IGHMBP2: variants seen among roughly 807,000 people sequenced by gnomAD.
IGHMBP2 encodes DNA-binding protein SMUBP-2.
Under a neutral mutation model 96.0 loss-of-function variants are expected in IGHMBP2, and 81 were observed. The observed-to-expected ratio is 0.84, with a 90% CI of 0.71 to 1.01. The LOEUF (loss-of-function observed/expected upper bound fraction) is 1.01. Among genes scored for constraint, IGHMBP2 ranks in the 50% least tolerant of loss-of-function variants. The pLI, the probability that IGHMBP2 is intolerant of heterozygous loss-of-function variation, is 0.00. For synonymous variants in IGHMBP2, 557 were observed against 548.9 expected (o/e 1.01, Z -0.21); for missense variants, 1,227 against 1,306.3 (o/e 0.94, Z 0.94).
At chr11:68,932,773 G>A (rs1345178615) in intron 8 of IGHMBP2, 1 of 163,946 alleles carries the variant, frequency 6.1e-6, no homozygotes. Flanking sequence ...GACAATCTGG[G>A]GGTCAGATGT....
intron 5 of IGHMBP2, 70 bp from the exon 6 acceptor site, chr11:68,914,753 G>A (rs1046855341): frequency 6.6e-7 from 1 of 1,512,880 alleles, no homozygotes; most frequent in Non-Finnish European, 9.2e-7. Context: ...AAGGCTTTTT[G>A]TTGTTTTAGT....
rs1285517746 is a variant in IGHMBP2 at position 68,933,895 on chromosome 11, C to T, written c.1519C>T (p.Gln507Ter). The T allele has an allele frequency of 3.1e-6, 5 of 1,595,880 alleles. No homozygotes were observed. Among genetic ancestry groups the T allele is most frequent in the Non-Finnish European group, 4.3e-6 (5 of 1,170,136 alleles). The change falls in exon 10 of 15, where the codon CAG becomes TAG. Residue 507 changes from glutamine to a stop codon, truncating the protein, a stop_gained. Transcript: ENST00000255078. LOFTEE classifies it high-confidence loss of function. ...GLFELEEEDEQSKGNPGEVRL... is the reference protein window; with the variant it reads ...GLFELEEEDE ...GTTTGAGCTGGAGGAGGAGGACGAA[C>T]AGTCGAAAGGGAACCCTGGTGAGCT... is the stretch of plus-strand genomic sequence containing the variant.
In IGHMBP2 at chr11:68,939,519, T is replaced by G. The variant is rs1277508144; in HGVS notation, c.2785-15T>G. The G allele has an allele frequency of 1.2e-6, 2 of 1,611,446 alleles. No homozygotes were observed. Among genetic ancestry groups the G allele is most frequent in the Non-Finnish European group, 1.7e-6 (2 of 1,179,952 alleles). ...GCCCCTGTGAGCCCAGCAGTGATTC[T>G]TGTGTCCTCCCCAGATCCATGGCTG... On this transcript the variant is annotated splice_polypyrimidine_tract_variant and intron_variant, in intron 14 of 14. Coordinates refer to ENST00000255078, the MANE Select transcript of IGHMBP2 (RefSeq NM_002180.3).
rs1859481722 is a variant in IGHMBP2 at position 68,935,326 on chromosome 11, C to T, written c.1660C>T (p.His554Tyr). 1.2e-6 allele frequency: 2 copies of T among 1,614,142 alleles called. No individual in the cohort carries two copies. Among genetic ancestry groups the T allele is most frequent in the African/African-American group, 1.3e-5 (1 of 75,074 alleles). ...GGACCTGCTCAGACAGAGCCTTGTG[C>T]ACAGGCACCCTGAGCTTGAAATCAA... ...QVDLLRQSLV[H>Y]RHPELEIKSV... Residue 554 changes from histidine (H) to tyrosine (Y), a missense_variant, in exon 12 of 15, where the codon CAC (histidine) becomes TAC (tyrosine). Physicochemically the swap from His to Tyr is moderately conservative, Grantham distance 83 (BLOSUM62 2). Transcript: ENST00000255078.
In IGHMBP2 at chr11:68,933,711, C is replaced by T. The variant is rs139223517; in HGVS notation, c.1419-84C>T. ...TCCTCCCCTACCTAAGCCTTTTCCT[C>T]GTGGGAGGGGTCGGTTCTGTTGGGT... On this transcript the variant is annotated intron_variant, in intron 9 of 14. Transcript: ENST00000255078. 2.6e-4 allele frequency: 301 copies of T among 1,172,014 alleles called. No homozygotes were observed. The African/African-American group carries it at 3.8e-3, about 15-fold the overall frequency. 72.6% of individuals were successfully genotyped at this position (1,172,014 alleles called of 1,614,324 possible).
In IGHMBP2 at chr11:68,939,701, G is replaced by T. The variant is rs766984037; in HGVS notation, c.2952G>T (p.Arg984Ser). 6 of 1,611,852 alleles carry T rather than the reference G, an allele frequency of 3.7e-6. No individual in the cohort carries two copies. In the East Asian group the frequency reaches 1.3e-4, roughly 36 times the overall value. ...DKKLSELSNQ[R>S]TSRRKERGT The stretch of plus-strand genomic sequence containing the variant: ...AGCTGAGTGAGCTCAGCAACCAGAG[G>T]ACCAGCCGGAGGAAGGAGAGGGGGA... Residue 984 changes from arginine to serine, a missense_variant, in exon 15 of 15, where the codon AGG becomes AGT. By Grantham distance (110) the Arg-to-Ser change is moderately radical. Around this residue, in one of 3 missense-constraint regions of IGHMBP2, gnomAD observed 703 missense variants for 770.3 expected, o/e 0.91. Coordinates refer to ENST00000255078, the MANE Select transcript of IGHMBP2 (RefSeq NM_002180.3).
rs200717388 is a variant in IGHMBP2, at chr11:68,910,978, C to CA, written c.548-461dup. Among the ~76,000 whole-genome samples the CA allele has an allele frequency of 3.5e-3, 524 of 151,712 alleles. 4 individuals are homozygous for CA. The highest frequency in any genetic ancestry group is 0.012 in the African/African-American group (484 of 41,350). ...AGAATTTGTTAATCATTGTTTTTGT[C>CA]ATTTGTCTTTATCATTTTATGGGCA... is the stretch of plus-strand genomic sequence containing the variant. On this transcript the variant is annotated intron_variant, in intron 4 of 14. Coordinates refer to ENST00000255078, the MANE Select transcript of IGHMBP2 (RefSeq NM_002180.3).
chr11:68,930,606 T>C (rs1040745851), intron 8 of IGHMBP2: 4 of 821,578 alleles, frequency 4.9e-6, no homozygotes, highest in Non-Finnish European at 5.9e-6. Flanking sequence ...ATCTCTGGGG[T>C]GTTGATTTTT....
chr11:68,939,830 G>A lies in IGHMBP2; in HGVS notation c.*99G>A. The A allele has an allele frequency of 7.9e-7, 1 of 1,267,188 alleles. No homozygotes were observed. Among genetic ancestry groups the A allele is most frequent in the Non-Finnish European group, 1.1e-6 (1 of 914,916 alleles). 78.5% of individuals were successfully genotyped at this position (1,267,188 alleles called of 1,614,324 possible). On this transcript the variant is annotated 3_prime_UTR_variant, in exon 15 of 15. Coordinates refer to ENST00000255078, the MANE Select transcript of IGHMBP2 (RefSeq NM_002180.3). ...TCCACCAGGGCCACAGAGGAGCGGA[G>A]GGGCCTATGGGGGAGGAGCGGAGGG...
At chr11:68,931,483 C>T (rs929074593) in intron 8 of IGHMBP2, among the ~76,000 whole-genome samples, 1 of 152,300 alleles carries the variant, frequency 6.6e-6, no homozygotes, top group South Asian at 2.1e-4. Context: ...CCTAAGAGCA[C>T]CGGGAGACGC....
intron 4 of IGHMBP2, 111 bp from the exon 5 acceptor site, chr11:68,911,329 G>C (rs576642771): frequency 2.8e-6 from 3 of 1,074,258 alleles, no homozygotes; most frequent in Admixed American, 3.9e-5. Flanking sequence ...GGGGAGGTCC[G>C]GCGTGTTCCT....
chr11:68,907,999 T>A (rs530462739), intron 2 of IGHMBP2, 146 bp from the exon 3 acceptor site: 44 of 708,190 alleles, frequency 6.2e-5, no homozygotes, highest in Middle Eastern at 4.0e-4. Flanking sequence ...TAACTTACTT[T>A]CTTTTTTTTT....
In IGHMBP2 at chr11:68,917,894, G is replaced by A. The variant is rs761888334; in HGVS notation, c.1060+11G>A. The stretch of plus-strand genomic sequence containing the variant: ...TTGCAACAAACACAGGTGAGGGGGC[G>A]TCTCCATCCTGCCTGTGTGGCCTCG... On this transcript the variant is annotated intron_variant, in intron 7 of 14. Coordinates refer to ENST00000255078, the MANE Select transcript of IGHMBP2 (RefSeq NM_002180.3). 2.1e-5 allele frequency: 34 copies of A among 1,613,456 alleles called. No homozygotes were observed. Among genetic ancestry groups the A allele is most frequent in the South Asian group, 3.3e-5 (3 of 91,058 alleles).
intron 11 of IGHMBP2, 105 bp downstream of exon 11, chr11:68,934,663 A>AG (rs1491137817): frequency 2.6e-5 from 23 of 886,124 alleles, no homozygotes; most frequent in Non-Finnish European, 4.2e-5. Flanking sequence ...CGAAAAGTTC[A>AG]GGGGTAGGGC....
At chr11:68,926,309 T>G (rs1306119287) in intron 7 of IGHMBP2, 1 of 138,192 alleles carries the variant, frequency 7.2e-6, no homozygotes, top group African/African-American at 2.7e-5. Flanking sequence ...TCTCGCTCTA[T>G]CGCCAGACTG....
At chr11:68,928,424 T>A (rs1178918619) in intron 7 of IGHMBP2, among the ~76,000 whole-genome samples, 1 of 152,254 alleles carries the variant, frequency 6.6e-6, no homozygotes, top group Non-Finnish European at 1.5e-5. Context: ...TTTCTCAGTA[T>A]GTCTTCATCA....
At chr11:68,909,175 GC>G (rs1858324800) in intron 4 of IGHMBP2, among the ~76,000 whole-genome samples, 1 of 113,842 alleles carries the variant, frequency 8.8e-6, no homozygotes, top group Non-Finnish European at 1.9e-5. Flanking sequence ...TTTTTTTTTG[GC>G]GGGGGGGGTG....
intron 14 of IGHMBP2, 150 bp downstream of exon 14, chr11:68,938,504 A>T: frequency 1.4e-6 from 1 of 707,458 alleles, no homozygotes; most frequent in Non-Finnish European, 2.3e-6. Flanking sequence ...TCAGACACTG[A>T]CTCATGATCG....
intron 6 of IGHMBP2, among the ~76,000 whole-genome samples, chr11:68,916,664 G>C (rs1248436555): frequency 6.6e-6 from 1 of 152,170 alleles, no homozygotes; most frequent in African/African-American, 2.4e-5. Context: ...CAGAGAGGGT[G>C]CTGGGAGCCA....
Sources: allele counts gnomAD v4.1 joint callset (sites outside exome capture counted in the v4.1 genomes callset), GRCh38; gene constraint gnomAD v4.1.1; regional missense constraint gnomAD v4.1.1; transcripts MANE v1.5; gene names NCBI Gene and HGNC (gene_info 2026-07-23, HGNC 2026-07-21).